Variants in HS6ST3 observed in about 807,000 individuals in gnomAD.
The protein encoded by HS6ST3 is heparan sulfate 6-O-sulfotransferase 3, also known as heparan-sulfate 6-O-sulfotransferase 3.
A neutral mutation model predicts 36.7 loss-of-function variants in HS6ST3; 12 were observed. The ratio of observed to expected loss-of-function variants is 0.33; its 90% CI spans 0.21 to 0.53. The LOEUF (loss-of-function observed/expected upper bound fraction) is 0.53. Among genes scored for constraint, HS6ST3 ranks in the 20% least tolerant of loss-of-function variants. The pLI is 0.95. For synonymous variants in HS6ST3, 240 were observed against 257.5 expected (o/e 0.93, Z 0.65); for missense variants, 584 against 640.9 (o/e 0.91, Z 0.96).
At chr13:96,472,463 T>C (rs914238603) in intron 1 of HS6ST3, among the ~76,000 whole-genome samples, 2 of 152,206 alleles carry the variant, frequency 1.3e-5, no homozygotes, top group African/African-American at 4.8e-5. Context: ...AACTCTTATT[T>C]TACCTTTAAA....
chr13:96,267,014 G>A (rs954875056), intron 1 of HS6ST3, among the ~76,000 whole-genome samples: 1 of 152,176 alleles, frequency 6.6e-6, no homozygotes, highest in South Asian at 2.1e-4. Flanking sequence ...GGGACCTGAT[G>A]GGAGGGACCC....
chr13:96,485,071 C>G (rs897696441), intron 1 of HS6ST3, among the ~76,000 whole-genome samples: 2 of 152,032 alleles, frequency 1.3e-5, no homozygotes, highest in Admixed American at 6.6e-5. Flanking sequence ...TGATCTGGGT[C>G]TTTTTCTTAT....
chr13:96,250,880 G>A (rs1291448971), intron 1 of HS6ST3, among the ~76,000 whole-genome samples: 1 of 152,128 alleles, frequency 6.6e-6, no homozygotes, highest in Non-Finnish European at 1.5e-5. Flanking sequence ...TATTGTGGTG[G>A]ATCACATTTA....
chr13:96,384,319 A>C (rs899049003), intron 1 of HS6ST3, among the ~76,000 whole-genome samples: 1 of 151,788 alleles, frequency 6.6e-6, no homozygotes, highest in Non-Finnish European at 1.5e-5. Flanking sequence ...TTTGAAAATG[A>C]TAGTAACTGA....
intron 1 of HS6ST3, among the ~76,000 whole-genome samples, chr13:96,239,275 G>T (rs2054549245): frequency 6.6e-6 from 1 of 152,128 alleles, no homozygotes; most frequent in Non-Finnish European, 1.5e-5. Context: ...TTCATATGAA[G>T]GTTAATTATT....
intron 1 of HS6ST3, among the ~76,000 whole-genome samples, chr13:96,366,391 G>A (rs1012111248): frequency 1.3e-5 from 2 of 152,022 alleles, no homozygotes; most frequent in African/African-American, 2.4e-5. Flanking sequence ...GGAGGTTGCA[G>A]TGAGTCAAGA....
At chr13:96,227,872 C>G (rs561672443) in intron 1 of HS6ST3, among the ~76,000 whole-genome samples, 1 of 152,328 alleles carries the variant, frequency 6.6e-6, no homozygotes, top group African/African-American at 2.4e-5. Flanking sequence ...GCTTTATGAT[C>G]TCACAGTATC....
At chr13:96,237,606 G>A (rs2054540600) in intron 1 of HS6ST3, among the ~76,000 whole-genome samples, 1 of 151,970 alleles carries the variant, frequency 6.6e-6, no homozygotes, top group Non-Finnish European at 1.5e-5. Context: ...TATTTTCTTA[G>A]TGATCACTGT....
At chr13:96,674,979 T>A (rs989769371) in intron 1 of HS6ST3, among the ~76,000 whole-genome samples, 3 of 151,900 alleles carry the variant, frequency 2.0e-5, no homozygotes, top group African/African-American at 7.2e-5. Flanking sequence ...ACTTACTATG[T>A]TTAACATTAG....
chr13:96,664,449 A>G (rs1174135241), intron 1 of HS6ST3, among the ~76,000 whole-genome samples: 1 of 152,162 alleles, frequency 6.6e-6, no homozygotes, highest in African/African-American at 2.4e-5. Flanking sequence ...AATACTATCC[A>G]AGCCAATATA....
chr13:96,207,676 C>T (rs2054377798), intron 1 of HS6ST3, among the ~76,000 whole-genome samples: 1 of 152,106 alleles, frequency 6.6e-6, no homozygotes, highest in African/African-American at 2.4e-5. Context: ...ATGTCTTTTG[C>T]AGGGACATGG....
intron 1 of HS6ST3, among the ~76,000 whole-genome samples, chr13:96,638,513 G>A (rs953881854): frequency 6.6e-6 from 1 of 151,966 alleles, no homozygotes; most frequent in Admixed American, 6.6e-5. Context: ...TCCCATGGGA[G>A]GGACTAGGTG....
intron 1 of HS6ST3, among the ~76,000 whole-genome samples, chr13:96,809,033 C>T (rs534085353): frequency 6.6e-6 from 1 of 152,104 alleles, no homozygotes. Flanking sequence ...CAAAGCAAAA[C>T]AAAATACATG....
At position 96,759,182 on chromosome 13, in the gene HS6ST3, T is replaced by C. The variant is rs1876906825; in HGVS notation, c.708-73308T>C. Among the ~76,000 whole-genome samples, 4 of 151,926 alleles carry C rather than the reference T, an allele frequency of 2.6e-5. No individual in the cohort carries two copies. The South Asian group carries it at 8.3e-4, about 31-fold the overall frequency. ...TTTTTAATCCATCTGCGACTTATAC[T>C]TATTAAATTTTGTCTCTCATATAAG... is the stretch of plus-strand genomic sequence containing the variant. On this transcript the variant is annotated intron_variant, in intron 1 of 1. Coordinates refer to ENST00000376705, the MANE Select transcript of HS6ST3 (RefSeq NM_153456.4).
intron 1 of HS6ST3, among the ~76,000 whole-genome samples, chr13:96,729,654 C>A (rs1473796333): frequency 2.6e-5 from 4 of 151,528 alleles, no homozygotes; most frequent in Non-Finnish European, 5.9e-5. Context: ...TTTAGTAGAG[C>A]CAAAGTTTCA....
intron 1 of HS6ST3, among the ~76,000 whole-genome samples, chr13:96,413,503 C>T (rs989781064): frequency 7.9e-5 from 12 of 152,070 alleles, no homozygotes; most frequent in East Asian, 1.9e-4. Context: ...ACTTTTCGAA[C>T]GATTAACTTT....
chr13:96,661,425 G>A (rs900186632), intron 1 of HS6ST3, among the ~76,000 whole-genome samples: 21 of 152,010 alleles, frequency 1.4e-4, no homozygotes, highest in Admixed American at 7.2e-4. Flanking sequence ...CTTATCTGAT[G>A]TAAGTGTAGC....
chr13:96,779,109 A>T (rs1367196491), intron 1 of HS6ST3, among the ~76,000 whole-genome samples: 2 of 152,046 alleles, frequency 1.3e-5, no homozygotes, highest in African/African-American at 4.8e-5. Flanking sequence ...CATAAGTGGG[A>T]GTTGAGTGAT....
At chr13:96,741,685 C>A (rs1192416197) in intron 1 of HS6ST3, among the ~76,000 whole-genome samples, 5 of 152,118 alleles carry the variant, frequency 3.3e-5, no homozygotes, top group African/African-American at 1.2e-4. Context: ...CTTTAATACA[C>A]CCTAAGGTTT....
Sources: allele counts gnomAD v4.1 joint callset (sites outside exome capture counted in the v4.1 genomes callset), GRCh38; gene constraint gnomAD v4.1.1; transcripts MANE v1.5; gene names NCBI Gene and HGNC (gene_info 2026-07-23, HGNC 2026-07-21).